Variants in NCKAP5 observed in about 807,000 individuals in gnomAD.
NCKAP5 encodes the protein NCK associated protein 5.
NCKAP5 carries 92 observed loss-of-function variants against 167.0 expected under a neutral mutation model. The ratio of observed to expected loss-of-function variants is 0.55; its 90% CI spans 0.47 to 0.66. NCKAP5 has a LOEUF of 0.66. Ranked by LOEUF, NCKAP5 falls within the 30% of genes least tolerant of loss-of-function variation. NCKAP5 has a pLI of 0.00. For synonymous variants in NCKAP5, 891 were observed against 877.4 expected (o/e 1.02, Z -0.27); for missense variants, 2,378 against 2,315.0 (o/e 1.03, Z -0.56).
At chr2:132,699,030 C>T (rs756414858) in intron 19 of NCKAP5, among the ~76,000 whole-genome samples, 42 of 152,146 alleles carry the variant, frequency 2.8e-4, no homozygotes, top group Non-Finnish European at 4.9e-4. Flanking sequence ...GGCTTGTTTG[C>T]CACATTGCAG....
rs193181646 is a variant in NCKAP5 at position 133,194,766 on chromosome 2, T to C, written c.207+18950A>G. ...GTGAAGTGAATTATTTTAAGAAGAATGCATTCATATTCCTGCATTCACAGA... is the reference window on the plus strand; with the variant it reads ...GTGAAGTGAATTATTTTAAGAAGAACGCATTCATATTCCTGCATTCACAGA... On this transcript the variant is annotated intron_variant, in intron 5 of 19. Transcript: ENST00000409261. 2.6e-5 allele frequency among the ~76,000 whole-genome samples: 4 copies of C among 151,844 alleles called. No homozygotes were observed. The East Asian group carries it at 7.7e-4, about 29-fold the overall frequency.
chr2:132,897,390 G>A (rs994435814), intron 8 of NCKAP5, among the ~76,000 whole-genome samples: 6 of 152,202 alleles, frequency 3.9e-5, no homozygotes, highest in African/African-American at 1.4e-4. Context: ...TGTTGATCTT[G>A]TTAGAATAAA....
chr2:132,703,824 T>C (rs1376290987), intron 19 of NCKAP5, among the ~76,000 whole-genome samples: 2 of 152,234 alleles, frequency 1.3e-5, no homozygotes, highest in African/African-American at 2.4e-5. Context: ...TTTCTAGTTA[T>C]TTTATTTATA....
At chr2:132,749,450 C>T (rs1218431160) in intron 16 of NCKAP5, among the ~76,000 whole-genome samples, 13 of 152,354 alleles carry the variant, frequency 8.5e-5, no homozygotes, top group South Asian at 2.1e-4. Context: ...GCCATCCACC[C>T]GCCTTGGCCT....
chr2:132,813,362 T>C (rs888380589), intron 11 of NCKAP5, among the ~76,000 whole-genome samples: 25 of 152,216 alleles, frequency 1.6e-4, no homozygotes, highest in African/African-American at 4.6e-4. Flanking sequence ...GGGCCTCCAT[T>C]ACTCTTACCT....
chr2:132,676,230 G>A (rs980810686), intron 19 of NCKAP5, among the ~76,000 whole-genome samples: 10 of 147,506 alleles, frequency 6.8e-5, no homozygotes, highest in African/African-American at 1.7e-4. Context: ...TATGTATACC[G>A]AATTGCAATC....
Position 132,744,108 on chromosome 2 carries a change from C to T in NCKAP5, c.5129-12057G>A, listed in dbSNP as rs76188547. The stretch of plus-strand genomic sequence containing the variant: ...AAAATTAAAATGAAAAGTCTTCTCT[C>T]AGTAATTAATACAACAAGTAGAGAG... On this transcript the variant is annotated intron_variant, in intron 16 of 19. Coordinates refer to ENST00000409261, the MANE Select transcript of NCKAP5 (RefSeq NM_207363.3). Among the ~76,000 whole-genome samples the T allele has an allele frequency of 6.9e-3, 1,050 of 151,684 alleles. 6 individuals are homozygous for T. Among genetic ancestry groups the T allele is most frequent in the Non-Finnish European group, 7.7e-3 (523 of 67,626 alleles).
chr2:133,017,433 T>A (rs1488550458), intron 6 of NCKAP5, among the ~76,000 whole-genome samples: 1 of 152,206 alleles, frequency 6.6e-6, no homozygotes, highest in East Asian at 1.9e-4. Flanking sequence ...ACAAATACAG[T>A]ATTTCATTTT....
At chr2:132,984,941 C>T (rs2077248278) in intron 7 of NCKAP5, among the ~76,000 whole-genome samples, 1 of 149,634 alleles carries the variant, frequency 6.7e-6, no homozygotes, top group Admixed American at 6.8e-5. Context: ...GCTCAAGCTG[C>T]ACACTTACTA....
chr2:132,828,799 C>A (rs1687313429), intron 11 of NCKAP5, among the ~76,000 whole-genome samples: 1 of 152,180 alleles, frequency 6.6e-6, no homozygotes, highest in Admixed American at 6.5e-5. Flanking sequence ...GCACACAACA[C>A]TGAGAAGCAG....
intron 2 of NCKAP5, among the ~76,000 whole-genome samples, chr2:133,543,145 G>A (rs1270864714): frequency 1.3e-5 from 2 of 152,166 alleles, no homozygotes; most frequent in East Asian, 1.9e-4. Context: ...TTGCAGTAAT[G>A]TGTGAGTTCT....
chr2:132,926,269 C>T (rs945377777), intron 8 of NCKAP5: 4 of 233,484 alleles, frequency 1.7e-5, no homozygotes, highest in African/African-American at 6.7e-5. Context: ...GTATATACCA[C>T]GTTTTCTTTA....
intron 4 of NCKAP5, among the ~76,000 whole-genome samples, chr2:133,278,243 G>A (rs1820927): frequency 0.13 from 19,303 of 152,188 alleles, 1,238 homozygotes; most frequent in South Asian, 0.15. Context: ...TCATCCTACA[G>A]TTCTGTAGAT....
At chr2:133,384,239 T>C (rs767954164) in intron 3 of NCKAP5, among the ~76,000 whole-genome samples, 14 of 152,194 alleles carry the variant, frequency 9.2e-5, no homozygotes, top group Non-Finnish European at 1.3e-4. Flanking sequence ...TTGTATAAAG[T>C]GTAAGGAAGG....
chr2:133,558,669 CA>C (rs1687923079), intron 2 of NCKAP5, among the ~76,000 whole-genome samples: 1 of 107,046 alleles, frequency 9.3e-6, no homozygotes, highest in South Asian at 3.4e-4. Context: ...ATGATAAAGC[CA>C]GGGGCATCAC....
chr2:133,602,406 G>A, the NCKAP5 span, among the ~76,000 whole-genome samples: 25 of 152,184 alleles, frequency 1.6e-4, no homozygotes, highest in African/African-American at 6.0e-4. Flanking sequence ...AGCTGAGGCT[G>A]TAGACGCTGC....
intron 11 of NCKAP5, among the ~76,000 whole-genome samples, chr2:132,851,017 AT>A (rs967723892): frequency 5.3e-5 from 8 of 150,072 alleles, no homozygotes; most frequent in South Asian, 2.1e-4. Flanking sequence ...TCAGAAAAGC[AT>A]TTTTTTTCAA....
At chr2:132,673,541 A>G (rs1271160191) in intron 19 of NCKAP5, among the ~76,000 whole-genome samples, 2 of 152,152 alleles carry the variant, frequency 1.3e-5, no homozygotes, top group African/African-American at 4.8e-5. Context: ...ATTAAGTGCC[A>G]CTTAATTTCA....
rs77574293 is a variant in NCKAP5 at position 133,190,463 on chromosome 2, A to T, written c.207+23253T>A. Among the ~76,000 whole-genome samples, 128 of 152,228 alleles carry T rather than the reference A, an allele frequency of 8.4e-4. 1 individual carries two copies. Among genetic ancestry groups the T allele is most frequent in the Admixed American group, 8.3e-3 (127 of 15,292 alleles). ...CCAAAAAAGAGCCCACATTGCCAAG[A>T]CAATCCTAAGCCAAAAGAACAAAGC... On this transcript the variant is annotated intron_variant, in intron 5 of 19. Coordinates refer to ENST00000409261, the MANE Select transcript of NCKAP5 (RefSeq NM_207363.3).
Sources: allele counts gnomAD v4.1 joint callset (sites outside exome capture counted in the v4.1 genomes callset), GRCh38; gene constraint gnomAD v4.1.1; transcripts MANE v1.5; gene names NCBI Gene and HGNC (gene_info 2026-07-23, HGNC 2026-07-21).